SGCZ: variants seen among roughly 807,000 people sequenced by gnomAD.
SGCZ encodes sarcoglycan zeta, also known as zeta-sarcoglycan.
Under a neutral mutation model 41.3 loss-of-function variants are expected in SGCZ, and 40 were observed. The ratio of observed to expected loss-of-function variants is 0.97; its 90% CI spans 0.75 to 1.26. The LOEUF is 1.26. Ranked by LOEUF, SGCZ falls within the 50% of genes most tolerant of loss-of-function variation. The probability of loss-of-function intolerance (pLI) is 0.00; values close to 1 mark genes in which losing one functional copy is unlikely to be tolerated. For synonymous variants in SGCZ, 206 were observed against 137.5 expected (o/e 1.50, Z -3.49); for missense variants, 552 against 369.8 (o/e 1.49, Z -4.04).
intron 2 of SGCZ, among the ~76,000 whole-genome samples, chr8:14,494,756 G>T (rs925916522): frequency 1.3e-5 from 2 of 152,184 alleles, no homozygotes; most frequent in East Asian, 3.9e-4. Flanking sequence ...TTTGTAACCA[G>T]AGGGAGGTAA....
At chr8:14,801,960 G>C (rs183750037) in intron 1 of SGCZ, among the ~76,000 whole-genome samples, 1 of 152,114 alleles carries the variant, frequency 6.6e-6, no homozygotes, top group Non-Finnish European at 1.5e-5. Context: ...TGAGAGAAGG[G>C]ATGTTTTCTA....
intron 1 of SGCZ, among the ~76,000 whole-genome samples, chr8:14,886,013 ATATATATATATATATAT>A (rs1563339121): frequency 2.1e-4 from 26 of 121,066 alleles, no homozygotes; most frequent in African/African-American, 6.3e-4. Flanking sequence ...ATATATATAT[ATATATATATATATATAT>A]ATATAAAATT....
chr8:15,168,575 G>A (rs757202999), intron 1 of SGCZ, among the ~76,000 whole-genome samples: 2 of 152,102 alleles, frequency 1.3e-5, no homozygotes, highest in Non-Finnish European at 2.9e-5. Context: ...GAGAGAAGAC[G>A]CTCTTCCCTG....
Position 14,863,510 on chromosome 8 carries a change from C to T in SGCZ, c.40-308584G>A, listed in dbSNP as rs188183818. Among the ~76,000 whole-genome samples the T allele has an allele frequency of 2.6e-3, 399 of 152,006 alleles. 4 individuals carry two copies. The highest frequency in any genetic ancestry group is 9.2e-3 in the African/African-American group (380 of 41,468). ...CAGCTATAAATAGTGAGGTTTCTAG[C>T]GCTTTAATTTCAAATAAGTGCCTGA... On this transcript the variant is annotated intron_variant, in intron 1 of 7. Transcript: ENST00000382080.
intron 1 of SGCZ, among the ~76,000 whole-genome samples, chr8:14,687,609 C>G (rs1448685910): frequency 1.3e-4 from 20 of 151,794 alleles, no homozygotes; most frequent in South Asian, 1.0e-3. Context: ...GGACATTTGG[C>G]TTGGTTCCAA....
At chr8:15,064,501 G>A (rs1805051078) in intron 1 of SGCZ, among the ~76,000 whole-genome samples, 1 of 141,856 alleles carries the variant, frequency 7.0e-6, no homozygotes, top group African/African-American at 2.8e-5. Flanking sequence ...TTTTATCTGA[G>A]TTCCTTCCTC....
chr8:14,603,730 G>A (rs1007860787), intron 1 of SGCZ, among the ~76,000 whole-genome samples: 4 of 152,012 alleles, frequency 2.6e-5, no homozygotes, highest in Non-Finnish European at 5.9e-5. Flanking sequence ...ATTTTTCACA[G>A]GCTTTCAAGT....
At chr8:14,838,875 A>C (rs938499004) in intron 1 of SGCZ, among the ~76,000 whole-genome samples, 2 of 152,150 alleles carry the variant, frequency 1.3e-5, no homozygotes, top group Non-Finnish European at 2.9e-5. Context: ...GAGAGTCAGC[A>C]TAGCGGGAAC....
intron 3 of SGCZ, chr8:14,319,663 A>G (rs1349334207): frequency 6.6e-6 from 1 of 152,054 alleles, no homozygotes; most frequent in Non-Finnish European, 1.5e-5. Flanking sequence ...GTAGCCATTT[A>G]TATGTAGAAT....
At chr8:14,380,785 G>A (rs1308035270) in intron 2 of SGCZ, among the ~76,000 whole-genome samples, 3 of 152,138 alleles carry the variant, frequency 2.0e-5, no homozygotes, top group Non-Finnish European at 4.4e-5. Flanking sequence ...CTTGAACCCA[G>A]GAGGCGGAGC....
chr8:14,514,815 A>C (rs567385473), intron 2 of SGCZ, among the ~76,000 whole-genome samples: 1 of 28,380 alleles, frequency 3.5e-5, no homozygotes, highest in Non-Finnish European at 9.8e-5. Flanking sequence ...GTGTGTGTGT[A>C]TATATACACG....
chr8:14,228,414 T>G (rs1046620699), intron 4 of SGCZ, among the ~76,000 whole-genome samples: 4 of 152,098 alleles, frequency 2.6e-5, no homozygotes, highest in Admixed American at 2.0e-4. Context: ...CTTTTATCCT[T>G]TAACTGGCTC....
At chr8:14,175,814 A>G (rs934027675) in intron 4 of SGCZ, among the ~76,000 whole-genome samples, 1 of 152,138 alleles carries the variant, frequency 6.6e-6, no homozygotes, top group Non-Finnish European at 1.5e-5. Context: ...ACCAAATCCA[A>G]TCATTGGTAG....
chr8:15,144,151 G>C lies in SGCZ; in HGVS notation c.39+93434C>G, dbSNP rs552356397. ...GGGTGAGAGGAAACATCAGTTTCTG[G>C]CATTTTGAAGTTGGTGTAATAAAAG... is the stretch of plus-strand genomic sequence containing the variant. On this transcript the variant is annotated intron_variant, in intron 1 of 7. Transcript: ENST00000382080. Among the ~76,000 whole-genome samples, 4 of 152,246 alleles carry C rather than the reference G, an allele frequency of 2.6e-5. No homozygotes were observed. The South Asian group carries it at 6.2e-4, about 24-fold the overall frequency.
intron 1 of SGCZ, among the ~76,000 whole-genome samples, chr8:14,810,111 T>C (rs1223841267): frequency 1.3e-5 from 2 of 151,998 alleles, no homozygotes; most frequent in Non-Finnish European, 2.9e-5. Context: ...AAGGAAGTAA[T>C]GGCAAAAAAA....
chr8:14,414,066 G>T (rs142564459), intron 2 of SGCZ, among the ~76,000 whole-genome samples: 4 of 151,932 alleles, frequency 2.6e-5, no homozygotes, highest in African/African-American at 7.2e-5. Context: ...TGAGATCCAC[G>T]TTAGTTTTAA....
At chr8:15,168,614 A>C (rs745306348) in intron 1 of SGCZ, among the ~76,000 whole-genome samples, 2 of 151,048 alleles carry the variant, frequency 1.3e-5, no homozygotes, top group Non-Finnish European at 2.9e-5. Flanking sequence ...GGTATCTGCT[A>C]GGAAGAGAAG....
chr8:14,325,520 A>G (rs1802062326), intron 2 of SGCZ, among the ~76,000 whole-genome samples: 1 of 147,716 alleles, frequency 6.8e-6, no homozygotes, highest in South Asian at 2.1e-4. Context: ...CATATATAAT[A>G]GATATATAAT....
intron 1 of SGCZ, among the ~76,000 whole-genome samples, chr8:14,968,846 AT>A (rs1801201044): frequency 2.0e-5 from 3 of 152,242 alleles, no homozygotes; most frequent in Middle Eastern, 6.8e-3. Context: ...AGGCTTTTAC[AT>A]TTTATGAAGG....
Sources: allele counts gnomAD v4.1 joint callset (sites outside exome capture counted in the v4.1 genomes callset), GRCh38; gene constraint gnomAD v4.1.1; transcripts MANE v1.5; gene names NCBI Gene and HGNC (gene_info 2026-07-23, HGNC 2026-07-21).